NTF3: variants seen among roughly 807,000 people sequenced by gnomAD.
NTF3 encodes the protein neurotrophin 3.
A neutral mutation model predicts 26.3 loss-of-function variants in NTF3; 8 were observed. The ratio of observed to expected loss-of-function variants is 0.30; its 90% CI spans 0.18 to 0.55. The LOEUF (loss-of-function observed/expected upper bound fraction) is 0.55. Ranked by LOEUF, NTF3 falls within the 20% of genes least tolerant of loss-of-function variation. The probability of loss-of-function intolerance (pLI) is 0.93; values close to 1 mark genes in which losing one functional copy is unlikely to be tolerated. For missense variants in NTF3, 276 were observed against 352.9 expected (o/e 0.78, Z 1.75); for synonymous variants, 154 against 145.5 (o/e 1.06, Z -0.42).
chr12:5,473,232 T>C (rs916440020), intron 1 of NTF3, among the ~76,000 whole-genome samples: 3 of 152,202 alleles, frequency 2.0e-5, no homozygotes, highest in African/African-American at 7.2e-5. Flanking sequence ...AGGAAGTACA[T>C]TCTTTCCACT....
chr12:5,450,088 G>A (rs1473572732), intron 1 of NTF3, among the ~76,000 whole-genome samples: 1 of 152,190 alleles, frequency 6.6e-6, no homozygotes, highest in Non-Finnish European at 1.5e-5. Flanking sequence ...GTGGGACTCT[G>A]CATTGGGGTC....
intron 1 of NTF3, among the ~76,000 whole-genome samples, chr12:5,464,426 A>G (rs1389475081): frequency 6.6e-6 from 1 of 152,264 alleles, no homozygotes; most frequent in Non-Finnish European, 1.5e-5. Flanking sequence ...ATGGGCATTC[A>G]GTATGCTTCT....
At chr12:5,479,282 C>T (rs1163143059) in intron 1 of NTF3, among the ~76,000 whole-genome samples, 1 of 152,188 alleles carries the variant, frequency 6.6e-6, no homozygotes, top group Non-Finnish European at 1.5e-5. Context: ...ATGGACCCAT[C>T]CATCTCCCTA....
rs148088552 is a variant in NTF3 at position 5,436,924 on chromosome 12, A to C, written c.18+4582A>C. 8.5e-5 allele frequency among the ~76,000 whole-genome samples: 13 copies of C among 152,370 alleles called. No homozygotes were observed. In the East Asian group the frequency reaches 2.5e-3, roughly 29 times the overall value. On this transcript the variant is annotated intron_variant, in intron 1 of 1. Transcript: ENST00000423158. ...ATTTCTTTATTTTTTAACATCAGCT[A>C]TGCAGACCACAGCACCAAAAGAAAT...
rs1312614022 is a variant in NTF3, at chr12:5,471,197, A to G, written c.19-22997A>G. Among the ~76,000 whole-genome samples the G allele has an allele frequency of 5.3e-5, 8 of 152,148 alleles. No homozygotes were observed. In the East Asian group the frequency reaches 1.2e-3, roughly 22 times the overall value. Reference sequence around the variant, plus strand: ...TTTTTAGACTATTTCAAGGGCTATTAATGTGGAACAGACGGCCTTTAGAAA... The same window carrying G: ...TTTTTAGACTATTTCAAGGGCTATTGATGTGGAACAGACGGCCTTTAGAAA... On this transcript the variant is annotated intron_variant, in intron 1 of 1. Coordinates refer to ENST00000423158, the MANE Select transcript of NTF3 (RefSeq NM_001102654.2).
intron 1 of NTF3, among the ~76,000 whole-genome samples, chr12:5,472,998 T>C (rs1407700031): frequency 2.6e-5 from 4 of 152,192 alleles, no homozygotes; most frequent in African/African-American, 9.7e-5. Flanking sequence ...GCAAGCTAGA[T>C]ATATTCTTGA....
In NTF3 at chr12:5,432,265, C is replaced by T. The variant is rs1346533650; in HGVS notation, c.-60C>T. The T allele has an allele frequency of 3.7e-6, 6 of 1,601,692 alleles. No homozygotes were observed. The highest frequency in any genetic ancestry group is 5.1e-6 in the Non-Finnish European group (6 of 1,169,596). On this transcript the variant is annotated 5_prime_UTR_variant, in exon 1 of 2. Transcript: ENST00000423158. ...CGGGGTGGGGGAGACTTTGAATGAC[C>T]GAGCTCGCGTCCACCTTTCTCTTCA...
At chr12:5,470,733 A>C (rs1416783072) in intron 1 of NTF3, among the ~76,000 whole-genome samples, 1 of 152,178 alleles carries the variant, frequency 6.6e-6, no homozygotes, top group Non-Finnish European at 1.5e-5. Flanking sequence ...CGGCCTGCCC[A>C]TACCTGTCCA....
chr12:5,440,348 C>G (rs1005014547), intron 1 of NTF3, among the ~76,000 whole-genome samples: 4 of 152,090 alleles, frequency 2.6e-5, no homozygotes, highest in African/African-American at 9.7e-5. Context: ...CTTTTAAAAA[C>G]TGATAGCCAG....
Position 5,494,415 on chromosome 12 carries a change from G to C in NTF3, c.240G>C (p.Glu80Asp). 1 of 1,613,450 alleles carries C rather than the reference G, an allele frequency of 6.2e-7. No individual in the cohort carries two copies. The highest frequency in any genetic ancestry group is 8.5e-7 in the Non-Finnish European group (1 of 1,180,004). ...ACCAGAGCACCCTGCCCAAAGCTGAGGCTCCCCGAGAGCCGGAGCGGGGAG... is the reference window on the plus strand; with the variant it reads ...ACCAGAGCACCCTGCCCAAAGCTGACGCTCCCCGAGAGCCGGAGCGGGGAG... ...ENYQSTLPKA[E>D]APREPERGGP... is the part of the protein sequence containing the mutation. Residue 80 changes from glutamate to aspartate, a missense_variant, in exon 2 of 2, where the codon GAG becomes GAC. Physicochemically the swap from Glu to Asp is conservative, Grantham distance 45 (BLOSUM62 2). Transcript: ENST00000423158. This position sits in a 1 kb window ranked among gnomAD's most constrained non-coding sequence, Gnocchi z 8.3.
At chr12:5,475,914 A>AAGAG (rs936045463) in intron 1 of NTF3, among the ~76,000 whole-genome samples, 2 of 138,362 alleles carry the variant, frequency 1.4e-5, no homozygotes, top group African/African-American at 5.0e-5. Flanking sequence ...GAAAGAAAGA[A>AAGAG]AGAGAGAAAG....
chr12:5,465,861 C>T (rs17784611), intron 1 of NTF3, among the ~76,000 whole-genome samples: 42,052 of 152,154 alleles, frequency 0.28, 6,642 homozygotes, highest in Non-Finnish European at 0.37. Context: ...CTGCAGCATC[C>T]GTGCCTGTCT....
rs151144896 is a variant in NTF3, at chr12:5,433,906, G to A, written c.18+1564G>A. On this transcript the variant is annotated intron_variant, in intron 1 of 1. Transcript: ENST00000423158. The surrounding 1 kb of genome is among the most constrained non-coding windows in gnomAD (Gnocchi z 4.6). ...GTGGGTGTTTCTCCTGGAGCCTGAT[G>A]TTTGTAACTCAGCTGATTATGGAGT... 9.7e-3 allele frequency among the ~76,000 whole-genome samples: 1,471 copies of A among 152,284 alleles called. 27 individuals carry two copies. The highest frequency in any genetic ancestry group is 0.031 in the African/African-American group (1,309 of 41,556).
intron 1 of NTF3, among the ~76,000 whole-genome samples, chr12:5,462,088 G>A (rs1438984004): frequency 6.6e-6 from 1 of 152,200 alleles, no homozygotes; most frequent in Non-Finnish European, 1.5e-5. Flanking sequence ...CAGCAACTGT[G>A]CTGCCATTCT....
intron 1 of NTF3, among the ~76,000 whole-genome samples, chr12:5,485,263 A>G (rs1483032190): frequency 6.6e-6 from 1 of 152,214 alleles, no homozygotes; most frequent in Admixed American, 6.5e-5. Context: ...TTACTCTACA[A>G]AGAAAGAAAC....
In NTF3 at chr12:5,447,170, A is replaced by C. The variant is rs138934228; in HGVS notation, c.18+14828A>C. ...ACCCCAAATATACAGCATCACCTTCAGCTATAGCTTTTGGTTTTTGATTAA... is the reference window on the plus strand; with the variant it reads ...ACCCCAAATATACAGCATCACCTTCCGCTATAGCTTTTGGTTTTTGATTAA... On this transcript the variant is annotated intron_variant, in intron 1 of 1. Transcript: ENST00000423158. 2.2e-4 allele frequency among the ~76,000 whole-genome samples: 33 copies of C among 152,312 alleles called. No homozygotes were observed. The East Asian group carries it at 5.8e-3, about 27-fold the overall frequency.
Position 5,494,092 on chromosome 12 carries a change from T to C in NTF3, c.19-102T>C. 9.1e-7 allele frequency: 1 copy of C among 1,102,568 alleles called. No individual in the cohort carries two copies. The highest frequency in any genetic ancestry group is 1.3e-6 in the Non-Finnish European group (1 of 765,394). The allele number at this position is 1,102,568 out of a possible 1,614,324, so 68.3% of individuals were successfully genotyped here. ...TGCTTACCTGGGGGGCGGTACCCTCTCTCGTGCCCTCACAGGGCTACTCAG... is the reference window on the plus strand; with the variant it reads ...TGCTTACCTGGGGGGCGGTACCCTCCCTCGTGCCCTCACAGGGCTACTCAG... On this transcript the variant is annotated intron_variant, in intron 1 of 1. Transcript: ENST00000423158. This position sits in a 1 kb window ranked among gnomAD's most constrained non-coding sequence, Gnocchi z 8.3.
At chr12:5,493,777 C>T (rs546690846) in intron 1 of NTF3, among the ~76,000 whole-genome samples, 10 of 152,170 alleles carry the variant, frequency 6.6e-5, no homozygotes, top group African/African-American at 1.9e-4. Context: ...ACAAGGCCAC[C>T]GCTGCTGCTG....
intron 1 of NTF3, among the ~76,000 whole-genome samples, chr12:5,488,835 G>A (rs540985097): frequency 2.0e-5 from 3 of 152,312 alleles, no homozygotes; most frequent in South Asian, 2.1e-4. Flanking sequence ...GCTGGCCAGC[G>A]TCCTCTTTGA....
Sources: gnomAD v4.1 joint callset for allele counts (sites outside exome capture counted in the v4.1 genomes callset) on GRCh38, gnomAD v4.1.1 for gene constraint, Gnocchi (gnomAD v3.1) non-coding constraint, MANE v1.5 for transcripts, NCBI Gene and HGNC (gene_info 2026-07-23, HGNC 2026-07-21) for gene names.